SSC5D: variants seen among roughly 807,000 people sequenced by gnomAD.
SSC5D encodes soluble scavenger receptor cysteine-rich domain-containing protein SSC5D.
SSC5D carries 106 observed loss-of-function variants against 104.6 expected under a neutral mutation model. The ratio of observed to expected loss-of-function variants is 1.01; its 90% confidence interval spans 0.87 to 1.19. The LOEUF (loss-of-function observed/expected upper bound fraction) is 1.19. SSC5D is among the 50% of genes most tolerant of loss of function. SSC5D has a pLI of 0.00. For missense variants in SSC5D, 1,993 were observed against 2,153.8 expected, an observed-to-expected ratio of 0.93 and a Z score of 1.48; for synonymous variants, 860 against 883.5, an observed-to-expected ratio of 0.97 and a Z score of 0.47.
Position 55,501,526 on chromosome 19 carries a change from G to A in SSC5D, c.2785+325G>A, listed in dbSNP as rs181419796. Among the ~76,000 whole-genome samples, 546 of 152,166 alleles carry A rather than the reference G, an allele frequency of 3.6e-3. 3 individuals carry two copies. Among genetic ancestry groups the A allele is most frequent in the African/African-American group, 0.013 (524 of 41,508 alleles). ...AGGGCCATTCTGTCATCACATCATC[G>A]TCCCCACCCCAGCTCCCCCAGAGCA... On this transcript the variant is annotated intron_variant, in intron 12 of 13. Transcript: ENST00000389623.
At chr19:55,514,827 T>C (rs1282248840) in intron 13 of SSC5D, among the ~76,000 whole-genome samples, 3 of 152,134 alleles carry the variant, frequency 2.0e-5, no homozygotes, top group Non-Finnish European at 4.4e-5. Flanking sequence ...TGAGTCCTTT[T>C]GACAGCTCTG....
intron 13 of SSC5D, among the ~76,000 whole-genome samples, chr19:55,514,710 G>A (rs1987833676): frequency 6.6e-6 from 1 of 152,060 alleles, no homozygotes; most frequent in South Asian, 2.1e-4. Context: ...TTTCTCAGAT[G>A]AGTGAAATTG....
chr19:55,505,026 G>A (rs10403022), intron 12 of SSC5D, among the ~76,000 whole-genome samples: 15,310 of 149,384 alleles, frequency 0.1, 982 homozygotes, highest in Non-Finnish European at 0.11. Flanking sequence ...CCTTGGATTG[G>A]GAACCATATG....
Position 55,500,978 on chromosome 19 carries a change from A to C in SSC5D, c.2618-56A>C. The stretch of plus-strand genomic sequence containing the variant: ...TTCCAAAAGGGGAGGGAAGAGCAGC[A>C]GCAAGGACCTCTGAGAAAGAGGATG... On this transcript the variant is annotated intron_variant, in intron 11 of 13. Transcript: ENST00000389623. This position sits in a 1 kb window ranked among gnomAD's most constrained non-coding sequence, Gnocchi z 4.6. 6.5e-7 allele frequency: 1 copy of C among 1,546,620 alleles called. No homozygotes were observed. The highest frequency in any genetic ancestry group is 8.7e-7 in the Non-Finnish European group (1 of 1,143,368).
At chr19:55,495,402 AT>A (rs548084625) in intron 8 of SSC5D, among the ~76,000 whole-genome samples, 11,931 of 135,196 alleles carry the variant, frequency 0.088, 607 homozygotes, top group Admixed American at 0.15. Flanking sequence ...AATTTTTTGT[AT>A]TTTTTTTTTT....
chr19:55,496,369 T>C (rs1232348638), intron 8 of SSC5D, among the ~76,000 whole-genome samples: 1 of 151,916 alleles, frequency 6.6e-6, no homozygotes, highest in Non-Finnish European at 1.5e-5. Flanking sequence ...ATACAGAAAA[T>C]AAAAAGGCGT....
Position 55,518,249 on chromosome 19 carries a change from C to CCCA in SSC5D, c.3975_3977dup (p.Thr1327dup), listed in dbSNP as rs35104581. ...TCCTGATCCCACCACGACCCCTCAC[C>CCCA]CCACAACTCCTGACCCTTCCTCAAC... On this transcript the variant is annotated inframe_insertion, in exon 14 of 14. Coordinates refer to ENST00000389623, the MANE Select transcript of SSC5D (RefSeq NM_001144950.2). The CCCA allele has an allele frequency of 0.3, 456,044 of 1,535,782 alleles. 71,307 individuals are homozygous for CCCA. The highest frequency in any genetic ancestry group is 0.54 in the East Asian group (21,701 of 39,982).
At position 55,518,639 on chromosome 19, in the gene SSC5D, G is replaced by C; in HGVS notation, c.4363G>C (p.Asp1455His). 1 of 1,445,858 alleles carries C rather than the reference G, an allele frequency of 6.9e-7. No individual in the cohort carries two copies. 89.6% of individuals were successfully genotyped at this position (1,445,858 alleles called of 1,614,324 possible). Residue 1455 changes from aspartate (D) to histidine (H), a missense_variant, in exon 14 of 14, where the codon GAC becomes CAC. Physicochemically the swap from Asp to His is moderately conservative, Grantham distance 81. This residue lies in a region of SSC5D where 349 missense variants were observed against 397.6 expected (regional missense o/e 0.88). Coordinates refer to ENST00000389623, the MANE Select transcript of SSC5D (RefSeq NM_001144950.2). ...TAHPLDHPPLDPLTLGPTPGQ... is the reference protein window; with the variant it reads ...TAHPLDHPPLHPLTLGPTPGQ... ...CCACCCCTTGGATCATCCTCCCCTTGACCCCCTCACCCTAGGGCCAACTCC... is the reference window on the plus strand; with the variant it reads ...CCACCCCTTGGATCATCCTCCCCTTCACCCCCTCACCCTAGGGCCAACTCC...
chr19:55,498,193 C>CACTG lies in SSC5D; in HGVS notation c.1702_1705dup (p.Gly569AspfsTer59), dbSNP rs1987379730. 1 of 1,551,566 alleles carries CACTG rather than the reference C, an allele frequency of 6.4e-7. No individual in the cohort carries two copies. The highest frequency in any genetic ancestry group is 8.7e-7 in the Non-Finnish European group (1 of 1,146,996). The stretch of plus-strand genomic sequence containing the variant: ...ACAATGAGGATGTTGGGGTCACCTG[C>CACTG]ACTGGTAAGGAGGCCCTAGCTATCT... On this transcript the variant is annotated frameshift_variant, in exon 9 of 14. Coordinates refer to ENST00000389623, the MANE Select transcript of SSC5D (RefSeq NM_001144950.2). LOFTEE classifies it high-confidence loss of function.
intron 8 of SSC5D, among the ~76,000 whole-genome samples, chr19:55,496,134 G>A (rs1599917588): frequency 2.6e-5 from 4 of 152,206 alleles, no homozygotes; most frequent in Admixed American, 2.0e-4. Flanking sequence ...CAGTGGGGCC[G>A]GTGGGGAGGG....
chr19:55,493,994 G>GGGGGGGGGGGGGGGGGGGGT, intron 7 of SSC5D, 82 bp downstream of exon 7: 8 of 143,314 alleles, frequency 5.6e-5, no homozygotes, highest in South Asian at 2.4e-4. Context: ...GGGCGGGGGG[G>GGGGGGGGGGGGGGGGGGGGT]TCCCTACGCG....
In SSC5D at chr19:55,500,207, G is replaced by A. The variant is rs780117520; in HGVS notation, c.2097G>A (p.Thr699=). Reference sequence around the variant, plus strand: ...GATGGACCTCTCACACCACTGCCACGCTGACCCCTCAGGCCCCCCGAGAAC... The same window carrying A: ...GATGGACCTCTCACACCACTGCCACACTGACCCCTCAGGCCCCCCGAGAAC... ...PQRWTSHTTA[T]LTPQAPRERT... is the part of the protein sequence containing the mutation. The change falls in exon 10 of 14, where the codon ACG becomes ACA. Residue 699 remains threonine (T), a synonymous_variant. Transcript: ENST00000389623. This position sits in a 1 kb window ranked among gnomAD's most constrained non-coding sequence, Gnocchi z 4.6. The A allele has an allele frequency of 1.7e-5, 26 of 1,550,868 alleles. No individual in the cohort carries two copies. The highest frequency in any genetic ancestry group is 7.3e-5 in the East Asian group (3 of 40,888).
chr19:55,518,944 A>G lies in SSC5D; in HGVS notation c.4668A>G (p.Ala1556=), dbSNP rs1177042059. 1.3e-6 allele frequency: 2 copies of G among 1,550,406 alleles called. No individual in the cohort carries two copies. Among genetic ancestry groups the G allele is most frequent in the Admixed American group, 3.9e-5 (2 of 50,994 alleles). ...TGGCCTGGACCACCAGCATGCCTGC[A>G]CCAACCACCACTACCCCAGAGGAAG... ...AEMAWTTSMP[A]PTTTTPEEEE... is the part of the protein sequence containing the mutation. Residue 1556 remains alanine, a synonymous_variant, in exon 14 of 14, where the codon GCA becomes GCG. Coordinates refer to ENST00000389623, the MANE Select transcript of SSC5D (RefSeq NM_001144950.2).
chr19:55,493,542 C>T (rs1987211194), intron 6 of SSC5D, 53 bp from the exon 7 acceptor site: 2 of 1,378,808 alleles, frequency 1.5e-6, no homozygotes, highest in African/African-American at 1.5e-5. Flanking sequence ...TAGCTTAGTC[C>T]CCGCTCATCC....
rs1278070208 is a variant in SSC5D at position 55,490,402 on chromosome 19, C to G, written c.580C>G (p.Arg194Gly). The change falls in exon 5 of 14, where the codon CGC becomes GGC. Residue 194 changes from arginine (R) to glycine (G), a missense_variant. Around this residue, in one of 6 missense-constraint regions of SSC5D, gnomAD observed 1,101 missense variants for 1,085.0 expected, o/e 1.01. Coordinates refer to ENST00000389623, the MANE Select transcript of SSC5D (RefSeq NM_001144950.2). Reference protein sequence around the residue: ...RAPLLTTGAPRQERLRLVSGP... With the variant: ...RAPLLTTGAPGQERLRLVSGP... ...CCCTCTGCTGACGACAGGAGCCCCC[C>G]GCCAAGGTAAGCTCCCTGCAGGCTC... 1 of 1,381,976 alleles carries G rather than the reference C, an allele frequency of 7.2e-7. No homozygotes were observed. Among genetic ancestry groups the G allele is most frequent in the Non-Finnish European group, 9.9e-7 (1 of 1,011,160 alleles). 85.6% of individuals were successfully genotyped at this position (1,381,976 alleles called of 1,614,324 possible). A position where few individuals can be genotyped will look rare whatever the true frequency, so the allele number is the denominator to read the frequency against.
At chr19:55,490,167 C>T in intron 4 of SSC5D, 131 bp from the exon 5 acceptor site, 1 of 613,260 alleles carries the variant, frequency 1.6e-6, no homozygotes, top group African/African-American at 1.8e-5. Flanking sequence ...CGCCCCCTGC[C>T]CCGCCCCGTC....
Position 55,489,503 on chromosome 19 carries a change from G to A in SSC5D, c.202G>A (p.Ala68Thr). The A allele has an allele frequency of 1.4e-6, 2 of 1,469,156 alleles. No individual in the cohort carries two copies. Among genetic ancestry groups the A allele is most frequent in the Middle Eastern group, 1.9e-4 (1 of 5,278 alleles). 91.0% of individuals were successfully genotyped at this position (1,469,156 alleles called of 1,614,324 possible). A position where few individuals can be genotyped will look rare whatever the true frequency, so the allele number is the denominator to read the frequency against. ...CRQLGCGGAL[A>T]APGGAFFGEG... ...GCAGCTGGGCTGCGGAGGGGCACTGGCCGCCCCGGGAGGCGCCTTCTTCGG... is the reference window on the plus strand; with the variant it reads ...GCAGCTGGGCTGCGGAGGGGCACTGACCGCCCCGGGAGGCGCCTTCTTCGG... Residue 68 changes from alanine (A) to threonine (T), a missense_variant, in exon 3 of 14, where the codon GCC (alanine) becomes ACC (threonine). Around this residue, in one of 6 missense-constraint regions of SSC5D, gnomAD observed 1,101 missense variants for 1,085.0 expected, o/e 1.01. Transcript: ENST00000389623.
In SSC5D at chr19:55,489,942, C is replaced by T. The variant is rs748444225; in HGVS notation, c.422C>T (p.Pro141Leu). The T allele has an allele frequency of 1.3e-6, 2 of 1,550,072 alleles. No homozygotes were observed. The highest frequency in any genetic ancestry group is 2.4e-5 in the South Asian group (2 of 84,024). Residue 141 changes from proline to leucine, a missense_variant, in exon 4 of 14, where the codon CCA (proline) becomes CTA (leucine). Physicochemically the swap from Pro to Leu is moderately conservative, Grantham distance 98. Around this residue, in one of 6 missense-constraint regions of SSC5D, gnomAD observed 1,101 missense variants for 1,085.0 expected, o/e 1.01. Transcript: ENST00000389623. ...STSPLDGAPW[P>L]GLLLELSPST... ...TCTCCCCTGGATGGGGCTCCCTGGC[C>T]AGGGCTGTTGCTGGAGCTGAGCCCC...
chr19:55,489,796 G>A, intron 3 of SSC5D, 86 bp from the exon 4 acceptor site: 1 of 1,479,494 alleles, frequency 6.8e-7, no homozygotes, highest in Non-Finnish European at 9.2e-7. Context: ...TCCAAAGCCA[G>A]GTGGCTAACT....
Sources: allele counts gnomAD v4.1 joint callset (sites outside exome capture counted in the v4.1 genomes callset), GRCh38; gene constraint gnomAD v4.1.1; regional missense constraint gnomAD v4.1.1; non-coding constraint Gnocchi (gnomAD v3.1); transcripts MANE v1.5; gene names NCBI Gene and HGNC (gene_info 2026-07-23, HGNC 2026-07-21).